APC: variants seen among roughly 807,000 people sequenced by gnomAD.
The protein encoded by APC is adenomatous polyposis coli protein.
Under a neutral mutation model 247.0 loss-of-function variants are expected in APC, and 72 were observed. The observed-to-expected ratio is 0.29, with a 90% confidence interval of 0.24 to 0.35. APC has a LOEUF of 0.35. Ranked by LOEUF, APC falls within the 10% of genes least tolerant of loss-of-function variation. The pLI, the probability that APC is intolerant of heterozygous loss-of-function variation, is 1.00. For synonymous variants in APC, 1,254 were observed against 1,162.5 expected, an observed-to-expected ratio of 1.08 and a Z score of -1.60; for missense variants, 3,400 against 3,360.7, an observed-to-expected ratio of 1.01 and a Z score of -0.29.
At chr5:112,748,381 G>T (rs1753914435) in intron 1 of APC, among the ~76,000 whole-genome samples, 1 of 152,128 alleles carries the variant, frequency 6.6e-6, no homozygotes, top group Non-Finnish European at 1.5e-5. Context: ...TATTGATTTT[G>T]TATCTGGCAA....
intron 4 of APC, among the ~76,000 whole-genome samples, chr5:112,768,841 C>T (rs1297918559): frequency 6.6e-6 from 1 of 151,112 alleles, no homozygotes; most frequent in Non-Finnish European, 1.5e-5. Context: ...CAGTCCTGTA[C>T]AGTAGCGTAG....
Position 112,775,614 on chromosome 5 carries a change from A to T in APC, c.423-15A>T, listed in dbSNP as rs1326635625. ...CATTGTTTAAACGTACCTTTTTTTA[A>T]AAAAAAAAAAATAGGTCATTGCTTC... On this transcript the variant is annotated splice_polypyrimidine_tract_variant and intron_variant, in intron 4 of 15. Coordinates refer to ENST00000257430, the MANE Select transcript of APC (RefSeq NM_000038.6). The T allele has an allele frequency of 2.5e-5, 35 of 1,416,498 alleles. No homozygotes were observed. The highest frequency in any genetic ancestry group is 8.9e-5 in the South Asian group (7 of 78,902). The allele number at this position is 1,416,498 out of a possible 1,614,324, so 87.7% of individuals were successfully genotyped here.
chr5:112,737,161 A>G (rs909864393), upstream of APC, among the ~76,000 whole-genome samples: 2 of 152,204 alleles, frequency 1.3e-5, no homozygotes, highest in African/African-American at 2.4e-5. Flanking sequence ...CAGCACTTCT[A>G]TGTATGTGTC....
upstream of APC, among the ~76,000 whole-genome samples, chr5:112,733,322 A>G (rs1752190564): frequency 1.3e-5 from 2 of 152,198 alleles, no homozygotes; most frequent in African/African-American, 4.8e-5. Flanking sequence ...TAAAATGGCT[A>G]ATGAGGTAAC....
chr5:112,792,182 G>A (rs1313000093), intron 6 of APC, among the ~76,000 whole-genome samples: 1 of 151,950 alleles, frequency 6.6e-6, no homozygotes, highest in Non-Finnish European at 1.5e-5. Context: ...GAAGGCGGAG[G>A]TTGCGGTGAG....
At chr5:112,719,875 A>G (rs1027540934) in intron 1 of APC, among the ~76,000 whole-genome samples, 8 of 152,214 alleles carry the variant, frequency 5.3e-5, no homozygotes, top group Non-Finnish European at 1.5e-5. Flanking sequence ...AAATCTCTCT[A>G]TGCCATGTAG....
chr5:112,777,323 C>T (rs2149624033), intron 5 of APC, among the ~76,000 whole-genome samples: 1 of 152,062 alleles, frequency 6.6e-6, no homozygotes, highest in East Asian at 1.9e-4. Flanking sequence ...GGTCCTTAGG[C>T]ATATGAGAAC....
intron 1 of APC, among the ~76,000 whole-genome samples, chr5:112,712,888 G>C (rs1263488494): frequency 6.6e-6 from 1 of 152,058 alleles, no homozygotes; most frequent in African/African-American, 2.4e-5. Flanking sequence ...ACAGTATCTC[G>C]GGCTAGGCGC....
At chr5:112,814,797 CACCTTGT>C (rs1762329161) in intron 8 of APC, among the ~76,000 whole-genome samples, 1 of 152,200 alleles carries the variant, frequency 6.6e-6, no homozygotes, top group African/African-American at 2.4e-5. Context: ...TCTAACCATA[CACCTTGT>C]GTTCTGTCCA....
Position 112,707,608 on chromosome 5 carries a change from C to T in APC, c.-110C>T, listed in dbSNP as rs1029692674. The T allele has an allele frequency of 1.9e-5, 23 of 1,212,844 alleles. No individual in the cohort carries two copies. The highest frequency in any genetic ancestry group is 2.6e-5 in the South Asian group (2 of 75,640). The allele number at this position is 1,212,844 out of a possible 1,614,324, so 75.1% of individuals were successfully genotyped here. ...CTCGGGGGGGACCTGCGGGCTCAGG[C>T]CCGGGAGCTGCGGACCGAGGTTGGC... On this transcript the variant is annotated 5_prime_UTR_variant, in exon 1 of 14. Transcript: ENST00000507379.
intron 15 of APC, among the ~76,000 whole-genome samples, chr5:112,836,424 T>G (rs1196164639): frequency 1.3e-5 from 2 of 152,168 alleles, no homozygotes; most frequent in African/African-American, 4.8e-5. Flanking sequence ...ACAGAGAAGA[T>G]TTCTTAAGTC....
chr5:112,718,474 G>A (rs866719495), intron 1 of APC, among the ~76,000 whole-genome samples: 4 of 152,154 alleles, frequency 2.6e-5, no homozygotes, highest in South Asian at 2.1e-4. Context: ...GGTCTCAGCC[G>A]GAAGCCAATG....
At chr5:112,808,140 G>A (rs1761611018) in intron 8 of APC, among the ~76,000 whole-genome samples, 1 of 152,178 alleles carries the variant, frequency 6.6e-6, no homozygotes, top group African/African-American at 2.4e-5. Flanking sequence ...GGGCAAGAGA[G>A]CGAGACTCTG....
intron 6 of APC, among the ~76,000 whole-genome samples, chr5:112,783,940 A>C (rs989838823): frequency 6.6e-6 from 1 of 152,206 alleles, no homozygotes; most frequent in Non-Finnish European, 1.5e-5. Context: ...AGGGAAATGT[A>C]ATATAAAGTA....
intron 5 of APC, among the ~76,000 whole-genome samples, chr5:112,779,096 T>G (rs1025285808): frequency 2.6e-5 from 4 of 152,164 alleles, no homozygotes; most frequent in African/African-American, 9.7e-5. Flanking sequence ...AGAGAAAGGA[T>G]CCCTTTTTCT....
upstream of APC, among the ~76,000 whole-genome samples, chr5:112,734,793 GTTT>G (rs71224873): frequency 2.4e-5 from 1 of 41,880 alleles, no homozygotes. Flanking sequence ...GTGTGTGTGT[GTTT>G]TTTTTTTTTT....
At chr5:112,820,878 T>C (rs552929077) in intron 10 of APC, among the ~76,000 whole-genome samples, 1 of 152,256 alleles carries the variant, frequency 6.6e-6, no homozygotes, top group Admixed American at 6.5e-5. Context: ...TCTGTTTGTA[T>C]TGAGACAGGG....
chr5:112,724,880 A>G (rs1488281361), intron 1 of APC, among the ~76,000 whole-genome samples: 1 of 152,192 alleles, frequency 6.6e-6, no homozygotes, highest in Non-Finnish European at 1.5e-5. Flanking sequence ...ATATAGTGCT[A>G]ATGAGCTTAG....
At chr5:112,708,902 C>A (rs1027591944) in intron 1 of APC, among the ~76,000 whole-genome samples, 1 of 152,224 alleles carries the variant, frequency 6.6e-6, no homozygotes, top group African/African-American at 2.4e-5. Flanking sequence ...GTGTAAAAAA[C>A]TGTCCTAAAT....
Sources: gnomAD v4.1 joint callset for allele counts (sites outside exome capture counted in the v4.1 genomes callset) on GRCh38, gnomAD v4.1.1 for gene constraint, MANE v1.5 for transcripts, NCBI Gene and HGNC (gene_info 2026-07-23, HGNC 2026-07-21) for gene names.